SNX29: variants seen among roughly 807,000 people sequenced by gnomAD.
SNX29 encodes sorting nexin-29.
In SNX29, 78 loss-of-function variants were observed where a neutral mutation model predicts 102.1. That is an observed-to-expected ratio of 0.76 (90% CI 0.64 to 0.92). SNX29 has a LOEUF of 0.92. Ranked by LOEUF, SNX29 falls within the 40% of genes least tolerant of loss-of-function variation. The pLI, the probability that SNX29 is intolerant of heterozygous loss-of-function variation, is 0.00. For missense variants in SNX29, 1,280 were observed against 1,061.7 expected (o/e 1.21, Z -2.86); for synonymous variants, 580 against 414.5 (o/e 1.40, Z -4.85).
In SNX29 at chr16:12,569,832, TA is replaced by T. The variant is rs936850474; in HGVS notation, c.*1206del. The T allele has an allele frequency of 4.3e-6, 1 of 230,484 alleles. No individual in the cohort carries two copies. Among genetic ancestry groups the T allele is most frequent in the Non-Finnish European group, 8.6e-6 (1 of 116,364 alleles). The allele number at this position is 230,484 out of a possible 1,614,324, so 14.3% of individuals were successfully genotyped here. On this transcript the variant is annotated 3_prime_UTR_variant, in exon 21 of 21. Coordinates refer to ENST00000566228, the MANE Select transcript of SNX29 (RefSeq NM_032167.5). ...GTTGTGGCAGTTTGCATTTCTAGGG[TA>T]AACTAACTAGGAAGGATGTCGTGAA... is the stretch of plus-strand genomic sequence containing the variant.
chr16:12,013,785 C>G (rs952727003), intron 3 of SNX29, among the ~76,000 whole-genome samples: 1 of 150,808 alleles, frequency 6.6e-6, no homozygotes, highest in African/African-American at 2.4e-5. Context: ...GCTGGGATTA[C>G]AGGTACATGC....
intron 15 of SNX29, among the ~76,000 whole-genome samples, chr16:12,344,289 C>T (rs1567459253): frequency 6.6e-6 from 1 of 152,144 alleles, no homozygotes; most frequent in East Asian, 1.9e-4. Context: ...TAACCCAAAG[C>T]AGAGAGAGAT....
Position 12,425,730 on chromosome 16 carries a change from G to A in SNX29, c.2037+22201G>A, listed in dbSNP as rs114522636. 8.3e-3 allele frequency among the ~76,000 whole-genome samples: 1,258 copies of A among 152,010 alleles called. 5 individuals are homozygous for A. Among genetic ancestry groups the A allele is most frequent in the South Asian group, 0.015 (70 of 4,802 alleles). ...TGGAGTTTGCACAGATGATTTGGGC[G>A]GCCAGGGTCTGCTCTTCCCCAGCCA... On this transcript the variant is annotated intron_variant, in intron 18 of 20. Coordinates refer to ENST00000566228, the MANE Select transcript of SNX29 (RefSeq NM_032167.5).
At chr16:12,538,210 G>A (rs1401507981) in intron 20 of SNX29, among the ~76,000 whole-genome samples, 2 of 152,056 alleles carry the variant, frequency 1.3e-5, no homozygotes, top group African/African-American at 2.4e-5. Flanking sequence ...CTGTGTTCTG[G>A]GTTCATGCCA....
chr16:12,449,701 C>T (rs903037510), intron 18 of SNX29, among the ~76,000 whole-genome samples: 4 of 152,198 alleles, frequency 2.6e-5, no homozygotes, highest in Non-Finnish European at 4.4e-5. Flanking sequence ...CAGGTTGCAT[C>T]CAGGCCTGTC....
At chr16:12,261,585 T>C (rs1207776591) in intron 14 of SNX29, among the ~76,000 whole-genome samples, 13 of 124,140 alleles carry the variant, frequency 1.0e-4, no homozygotes, top group African/African-American at 3.4e-4. Context: ...TGTGCATCCC[T>C]GGCTGGAGTG....
chr16:12,013,964 A>G (rs1303696677), intron 3 of SNX29, among the ~76,000 whole-genome samples: 1 of 151,448 alleles, frequency 6.6e-6, no homozygotes, highest in Non-Finnish European at 1.5e-5. Flanking sequence ...ATTTTTATTT[A>G]TTAAGAAAAT....
intron 11 of SNX29, among the ~76,000 whole-genome samples, chr16:12,125,468 G>C (rs2054164016): frequency 6.6e-6 from 1 of 152,110 alleles, no homozygotes; most frequent in Non-Finnish European, 1.5e-5. Context: ...CGGTGTATGG[G>C]ACCTGGGAGG....
chr16:12,511,936 C>G (rs750427465), intron 19 of SNX29, among the ~76,000 whole-genome samples: 15 of 151,938 alleles, frequency 9.9e-5, no homozygotes, highest in Non-Finnish European at 1.0e-4. Flanking sequence ...AGTGGTCGGG[C>G]CGCATAGAAG....
At chr16:12,197,405 T>C (rs1199214940) in intron 13 of SNX29, among the ~76,000 whole-genome samples, 1 of 151,952 alleles carries the variant, frequency 6.6e-6, no homozygotes, top group Non-Finnish European at 1.5e-5. Flanking sequence ...CCCCCATCTC[T>C]ACTAAAAATA....
intron 13 of SNX29, among the ~76,000 whole-genome samples, chr16:12,191,044 A>G (rs960701955): frequency 4.0e-5 from 6 of 151,864 alleles, no homozygotes; most frequent in Non-Finnish European, 7.4e-5. Flanking sequence ...GTGGAAGACA[A>G]TTTTTCCATG....
chr16:12,411,271 G>C (rs1347501745), intron 18 of SNX29, among the ~76,000 whole-genome samples: 1 of 152,210 alleles, frequency 6.6e-6, no homozygotes, highest in Non-Finnish European at 1.5e-5. Context: ...TTTGATTTGT[G>C]AGTTTCATCC....
At position 12,237,509 on chromosome 16, in the gene SNX29, G is replaced by A. The variant is rs887231935; in HGVS notation, c.1678+37826G>A. 6.6e-5 allele frequency among the ~76,000 whole-genome samples: 10 copies of A among 152,318 alleles called. No homozygotes were observed. In the South Asian group the frequency reaches 8.3e-4, roughly 13 times the overall value. On this transcript the variant is annotated intron_variant, in intron 14 of 20. Coordinates refer to ENST00000566228, the MANE Select transcript of SNX29 (RefSeq NM_032167.5). ...GGCCTGGCCGGGTGCAGTGGCTCAC[G>A]CCTGTAATCCCAGCACTTTGGGAGG...
intron 19 of SNX29, among the ~76,000 whole-genome samples, chr16:12,518,632 C>T (rs1299240479): frequency 6.6e-6 from 1 of 152,180 alleles, no homozygotes; most frequent in African/African-American, 2.4e-5. Flanking sequence ...GCAGCACTTG[C>T]CCCAGCCTGT....
At chr16:12,505,984 A>G (rs1376050801) in intron 19 of SNX29, among the ~76,000 whole-genome samples, 2 of 152,168 alleles carry the variant, frequency 1.3e-5, no homozygotes, top group African/African-American at 4.8e-5. Flanking sequence ...TGTTTGAGAC[A>G]GAGTCTCGCT....
At chr16:12,013,174 A>T (rs1199199067) in intron 3 of SNX29, among the ~76,000 whole-genome samples, 1 of 151,820 alleles carries the variant, frequency 6.6e-6, no homozygotes, top group African/African-American at 2.4e-5. Flanking sequence ...AAATAATGTC[A>T]TGGCTCTACC....
intron 20 of SNX29, chr16:12,546,204 C>G (rs12929685): frequency 7.2e-5 from 11 of 152,088 alleles, no homozygotes; most frequent in African/African-American, 2.7e-4. Context: ...TAACGAGGGA[C>G]GTAGGAGGTA....
At chr16:12,555,018 G>T (rs188907779) in intron 20 of SNX29, among the ~76,000 whole-genome samples, 5 of 152,132 alleles carry the variant, frequency 3.3e-5, no homozygotes, top group African/African-American at 9.6e-5. Flanking sequence ...GCAGGCAGGA[G>T]TGTGCCTGCC....
At chr16:11,989,875 G>C (rs528115592) in intron 1 of SNX29, among the ~76,000 whole-genome samples, 1 of 152,250 alleles carries the variant, frequency 6.6e-6, no homozygotes. Context: ...GGGAACGTTT[G>C]AGTCAGCCAT....
Sources: allele counts gnomAD v4.1 joint callset (sites outside exome capture counted in the v4.1 genomes callset), GRCh38; gene constraint gnomAD v4.1.1; transcripts MANE v1.5; gene names NCBI Gene and HGNC (gene_info 2026-07-23, HGNC 2026-07-21).